APAF1: variants seen among roughly 807,000 people sequenced by gnomAD.
The protein encoded by APAF1 is apoptotic peptidase activating factor 1.
A neutral mutation model predicts 152.4 loss-of-function variants in APAF1; 91 were observed. The ratio of observed to expected loss-of-function variants is 0.60; its 90% CI spans 0.50 to 0.71. The LOEUF (loss-of-function observed/expected upper bound fraction) is 0.71. APAF1 is among the 30% of genes least tolerant of loss of function. APAF1 has a pLI of 0.00. For synonymous variants in APAF1, 484 were observed against 494.1 expected, an observed-to-expected ratio of 0.98 and a Z score of 0.27; for missense variants, 1,283 against 1,472.0, an observed-to-expected ratio of 0.87 and a Z score of 2.10.
chr12:98,663,840 G>A (rs2153315881), intron 7 of APAF1, among the ~76,000 whole-genome samples: 1 of 151,738 alleles, frequency 6.6e-6, no homozygotes, highest in South Asian at 2.1e-4. Flanking sequence ...TGTATTTTCA[G>A]TAGAGACGGG....
chr12:98,672,779 C>T (rs1013386405), intron 12 of APAF1, among the ~76,000 whole-genome samples: 4 of 151,408 alleles, frequency 2.6e-5, no homozygotes, highest in African/African-American at 4.9e-5. Context: ...TTTGAGACGG[C>T]GTTTCACTCT....
chr12:98,735,193 G>A lies in APAF1; in HGVS notation c.*2627G>A. 1 of 398,890 alleles carries A rather than the reference G, an allele frequency of 2.5e-6. No homozygotes were observed. The allele number at this position is 398,890 out of a possible 1,614,324, so 24.7% of individuals were successfully genotyped here. ...TGCAGTCGGTCAAGAGGAGGATTTT[G>A]TTTTGTAGTTTGCAGATGAGCATTT... On this transcript the variant is annotated 3_prime_UTR_variant, in exon 27 of 27. Coordinates refer to ENST00000551964, the MANE Select transcript of APAF1 (RefSeq NM_181861.2).
intron 7 of APAF1, among the ~76,000 whole-genome samples, chr12:98,663,265 GACTC>G (rs1350845135): frequency 7.9e-5 from 12 of 151,996 alleles, no homozygotes; most frequent in Non-Finnish European, 1.8e-4. Flanking sequence ...AATTATCCTT[GACTC>G]ACTTTTCTTT....
chr12:98,681,322 A>G (rs779750674), intron 14 of APAF1, among the ~76,000 whole-genome samples: 5 of 152,150 alleles, frequency 3.3e-5, no homozygotes, highest in Non-Finnish European at 7.4e-5. Context: ...TTTGACTCCC[A>G]AAGTGCTGAG....
intron 4 of APAF1, among the ~76,000 whole-genome samples, chr12:98,652,962 T>C (rs917685430): frequency 3.3e-5 from 5 of 152,182 alleles, no homozygotes; most frequent in Non-Finnish European, 7.3e-5. Flanking sequence ...TAATTTGCCA[T>C]CTGATTAATT....
chr12:98,701,907 A>G (rs2097715783), intron 17 of APAF1, among the ~76,000 whole-genome samples: 9 of 152,166 alleles, frequency 5.9e-5, no homozygotes, highest in Admixed American at 5.9e-4. Context: ...TGGAATAGGC[A>G]AGTTTGCCAA....
chr12:98,708,760 C>T lies in APAF1; in HGVS notation c.2841+56C>T, dbSNP rs1457295202. 34 of 1,583,640 alleles carry T rather than the reference C, an allele frequency of 2.1e-5. No homozygotes were observed. In the East Asian group the frequency reaches 3.8e-4, roughly 18 times the overall value. Reference sequence around the variant, plus strand: ...TTGTTTTGGTTGAATTTTCTATTCACGGTTTTTCTTGTTTTTGGACTTGAG... The same window carrying T: ...TTGTTTTGGTTGAATTTTCTATTCATGGTTTTTCTTGTTTTTGGACTTGAG... On this transcript the variant is annotated intron_variant, in intron 20 of 26. Transcript: ENST00000551964.
chr12:98,666,387 T>A, intron 9 of APAF1, 30 bp downstream of exon 9: 1 of 1,596,350 alleles, frequency 6.3e-7, no homozygotes, highest in Non-Finnish European at 8.5e-7. Flanking sequence ...CTTTTTTTTT[T>A]CCTTTTTCCT....
At chr12:98,661,099 C>T (rs571338971) in intron 5 of APAF1, among the ~76,000 whole-genome samples, 2 of 152,138 alleles carry the variant, frequency 1.3e-5, no homozygotes, top group African/African-American at 4.8e-5. Flanking sequence ...GATGAGGTTT[C>T]ACCGTGTTAA....
intron 17 of APAF1, among the ~76,000 whole-genome samples, chr12:98,700,660 C>G (rs2097714415): frequency 6.6e-6 from 1 of 152,164 alleles, no homozygotes; most frequent in Non-Finnish European, 1.5e-5. Flanking sequence ...TAAAAATGTG[C>G]ATTTCAATGG....
rs766455032 is a variant in APAF1, at chr12:98,732,449, A to G, written c.3630A>G (p.Ser1210=). 1 of 1,613,316 alleles carries G rather than the reference A, an allele frequency of 6.2e-7. No homozygotes were observed. The highest frequency in any genetic ancestry group is 8.5e-7 in the Non-Finnish European group (1 of 1,179,230). The change falls in exon 27 of 27, where the codon TCA becomes TCG. Residue 1210 remains serine (S), a synonymous_variant. Transcript: ENST00000551964. ...KWWNVVTGES[S]QTFYTNGTNL... ...GGAACGTTGTCACTGGGGAATCCTCACAGACCTTCTACACAAATGGAACCA... is the reference window on the plus strand; with the variant it reads ...GGAACGTTGTCACTGGGGAATCCTCGCAGACCTTCTACACAAATGGAACCA...
At chr12:98,705,362 TC>T (rs753512898) in intron 18 of APAF1, among the ~76,000 whole-genome samples, 2 of 152,184 alleles carry the variant, frequency 1.3e-5, no homozygotes, top group African/African-American at 2.4e-5. Context: ...AGGGAGATTT[TC>T]AGTTTCTTAG....
intron 4 of APAF1, among the ~76,000 whole-genome samples, chr12:98,658,506 A>G (rs1335349863): frequency 1.3e-5 from 2 of 152,248 alleles, no homozygotes; most frequent in African/African-American, 4.8e-5. Flanking sequence ...TTATTTCAGT[A>G]TAATCAATGA....
intron 16 of APAF1, among the ~76,000 whole-genome samples, chr12:98,688,442 A>G (rs1038924359): frequency 6.6e-6 from 1 of 150,750 alleles, no homozygotes; most frequent in African/African-American, 2.4e-5. Context: ...CAGAGATACT[A>G]GAATAACCTT....
In APAF1 at chr12:98,734,554, G is replaced by A. The variant is rs1256278335; in HGVS notation, c.*1988G>A. On this transcript the variant is annotated 3_prime_UTR_variant, in exon 27 of 27. Transcript: ENST00000551964. Reference sequence around the variant, plus strand: ...TGTTGGTGCATATTAGTATAACTGTGGGGTAGGTCGGGGAGAGGGTAAGGG... The same window carrying A: ...TGTTGGTGCATATTAGTATAACTGTAGGGTAGGTCGGGGAGAGGGTAAGGG... The A allele has an allele frequency of 6.6e-6, 1 of 152,572 alleles. No homozygotes were observed. Among genetic ancestry groups the A allele is most frequent in the Non-Finnish European group, 1.5e-5 (1 of 68,030 alleles). 9.5% of individuals were successfully genotyped at this position (152,572 alleles called of 1,614,324 possible).
At position 98,665,780 on chromosome 12, in the gene APAF1, G is replaced by A; in HGVS notation, c.1183G>A (p.Val395Met). The A allele has an allele frequency of 1.9e-6, 3 of 1,611,222 alleles. No individual in the cohort carries two copies. The highest frequency in any genetic ancestry group is 2.5e-6 in the Non-Finnish European group (3 of 1,177,416). Residue 395 changes from valine (V) to methionine (M), a missense_variant, in exon 8 of 27, where the codon GTG (valine) becomes ATG (methionine). By Grantham distance (21) the Val-to-Met change is conservative. Transcript: ENST00000551964. ...TTCCATCCTTCAGAAGGACGTTAAG[G>A]TGCCTACAAAGGTAATGGGATCAAT... ...DLSILQKDVKVPTKVLCILWD... is the reference protein window; with the variant it reads ...DLSILQKDVKMPTKVLCILWD...
chr12:98,665,476 T>C (rs1407919908), intron 7 of APAF1, 77 bp from the exon 8 acceptor site: 2 of 978,210 alleles, frequency 2.0e-6, no homozygotes, highest in Admixed American at 3.4e-5. Flanking sequence ...TTCTTAGTAA[T>C]GTAAGTAAGT....
intron 13 of APAF1, 59 bp downstream of exon 13, chr12:98,677,610 A>G: frequency 1.9e-6 from 3 of 1,608,024 alleles, no homozygotes; most frequent in Non-Finnish European, 2.6e-6. Context: ...TGTGCAGATC[A>G]GAATATGTTT....
chr12:98,726,141 A>C (rs1033545380), intron 25 of APAF1, among the ~76,000 whole-genome samples: 1 of 152,166 alleles, frequency 6.6e-6, no homozygotes, highest in African/African-American at 2.4e-5. Flanking sequence ...TATACATACA[A>C]ACCATGCCAA....
Sources: allele counts gnomAD v4.1 joint callset (sites outside exome capture counted in the v4.1 genomes callset), GRCh38; gene constraint gnomAD v4.1.1; transcripts MANE v1.5; gene names NCBI Gene and HGNC (gene_info 2026-07-23, HGNC 2026-07-21).